CERKL: variants seen among roughly 807,000 people sequenced by gnomAD.
CERKL encodes CERK like autophagy regulator.
In CERKL, 61 loss-of-function variants were observed where a neutral mutation model predicts 63.4. The observed-to-expected ratio is 0.96, with a 90% CI of 0.78 to 1.19. The LOEUF (loss-of-function observed/expected upper bound fraction) is 1.19, where lower values mean the gene tolerates loss of function less well. CERKL is among the 50% of genes most tolerant of loss of function. The pLI, the probability that CERKL is intolerant of heterozygous loss-of-function variation, is 0.00. For synonymous variants in CERKL, 250 were observed against 230.5 expected (o/e 1.08, Z -0.77); for missense variants, 675 against 655.5 (o/e 1.03, Z -0.33).
At chr2:181,580,893 T>C (rs555009336) in intron 2 of CERKL, among the ~76,000 whole-genome samples, 1 of 152,266 alleles carries the variant, frequency 6.6e-6, no homozygotes, top group South Asian at 2.1e-4. Context: ...TCTGGTACTT[T>C]TTTAGAAGTA....
At chr2:181,591,452 T>C (rs1399519226) in intron 2 of CERKL, among the ~76,000 whole-genome samples, 1 of 152,158 alleles carries the variant, frequency 6.6e-6, no homozygotes, top group African/African-American at 2.4e-5. Context: ...ATTACTATTA[T>C]GAAAGGTGGA....
In CERKL at chr2:181,605,425, T is replaced by C. The variant is rs914729878; in HGVS notation, c.239-1346A>G. 2.6e-5 allele frequency among the ~76,000 whole-genome samples: 4 copies of C among 152,314 alleles called. No individual in the cohort carries two copies. The South Asian group carries it at 6.2e-4, about 24-fold the overall frequency. ...TAAGAACTACTAGAAGAATTAACAG[T>C]ACAATGCTTAGAGATGACACAGGTG... On this transcript the variant is annotated intron_variant, in intron 1 of 12. Coordinates refer to ENST00000410087, the MANE Select transcript of CERKL (RefSeq NM_201548.5).
Position 181,548,718 on chromosome 2 carries a change from C to G in CERKL, c.1035G>C (p.Arg345=), listed in dbSNP as rs1276593470. ...GTGCCTTAACAACAGCAAAATCTCTCCGTTGGTTAGGGGACATCCATCGAT... is the reference window on the plus strand; with the variant it reads ...GTGCCTTAACAACAGCAAAATCTCTGCGTTGGTTAGGGGACATCCATCGAT... ...EKYRWMSPNQ[R]RDFAVVKALA... Residue 345 remains arginine (R), a synonymous_variant, in exon 7 of 13, where the codon CGG becomes CGC. Coordinates refer to ENST00000410087, the MANE Select transcript of CERKL (RefSeq NM_201548.5). 6.2e-7 allele frequency: 1 copy of G among 1,614,034 alleles called. No homozygotes were observed. The highest frequency in any genetic ancestry group is 8.5e-7 in the Non-Finnish European group (1 of 1,179,944).
At chr2:181,624,431 A>C (rs1449048652) in intron 1 of CERKL, among the ~76,000 whole-genome samples, 1 of 152,138 alleles carries the variant, frequency 6.6e-6, no homozygotes, top group Non-Finnish European at 1.5e-5. Context: ...GCTACTGGAG[A>C]AGCTAAGGCA....
Position 181,548,559 on chromosome 2 carries a change from A to G in CERKL, c.1119T>C (p.Asp373=). The G allele has an allele frequency of 1.2e-6, 2 of 1,612,062 alleles. No individual in the cohort carries two copies. The highest frequency in any genetic ancestry group is 1.7e-6 in the Non-Finnish European group (2 of 1,178,516). ...EISFLPFNSS[D]DVQERRAQGS... is the part of the protein sequence containing the mutation. Reference sequence around the variant, plus strand: ...TTTTTACCTACCTTTCTTGCACATCATCAGAGCTGTTAAATGGTAAAAATG... The same window carrying G: ...TTTTTACCTACCTTTCTTGCACATCGTCAGAGCTGTTAAATGGTAAAAATG... Residue 373 remains aspartate (D), a synonymous_variant, in exon 8 of 13, where the codon GAT becomes GAC. Transcript: ENST00000410087.
chr2:181,540,200 G>A (rs932239511), intron 11 of CERKL, among the ~76,000 whole-genome samples: 1 of 152,188 alleles, frequency 6.6e-6, no homozygotes, highest in Non-Finnish European at 1.5e-5. Context: ...ATCAGCTGTT[G>A]TGACTGAGGT....
intron 5 of CERKL, among the ~76,000 whole-genome samples, chr2:181,551,285 A>C (rs1687976600): frequency 6.6e-6 from 1 of 152,150 alleles, no homozygotes; most frequent in Non-Finnish European, 1.5e-5. Flanking sequence ...CACAAAAATC[A>C]GTAGCATTTC....
At chr2:181,612,525 T>C (rs1686009846) in intron 1 of CERKL, among the ~76,000 whole-genome samples, 1 of 152,094 alleles carries the variant, frequency 6.6e-6, no homozygotes, top group Non-Finnish European at 1.5e-5. Context: ...TTGTATCTGG[T>C]TTATTTTACT....
intron 2 of CERKL, among the ~76,000 whole-genome samples, chr2:181,600,818 G>A (rs1212782762): frequency 2.0e-5 from 3 of 152,028 alleles, no homozygotes; most frequent in African/African-American, 7.3e-5. Flanking sequence ...AACTAACAAA[G>A]GTATACACTG....
At chr2:181,557,269 C>T (rs1688252804) in intron 5 of CERKL, among the ~76,000 whole-genome samples, 1 of 152,118 alleles carries the variant, frequency 6.6e-6, no homozygotes, top group Non-Finnish European at 1.5e-5. Context: ...TCAATTTTGG[C>T]TTTTGTTGCC....
At chr2:181,544,570 AAAG>A (rs1687642872) in intron 11 of CERKL, 127 bp downstream of exon 11, 3 of 606,796 alleles carry the variant, frequency 4.9e-6, no homozygotes, top group South Asian at 2.2e-5. Context: ...AGATTGGGAA[AAAG>A]AAGATTAATA....
At chr2:181,589,296 A>C (rs1001243649) in intron 2 of CERKL, among the ~76,000 whole-genome samples, 3 of 152,214 alleles carry the variant, frequency 2.0e-5, no homozygotes, top group Admixed American at 6.5e-5. Flanking sequence ...AACCACTAAG[A>C]AAAGTAAACT....
intron 1 of CERKL, among the ~76,000 whole-genome samples, chr2:181,624,435 T>C (rs941318554): frequency 6.6e-6 from 1 of 151,358 alleles, no homozygotes; most frequent in African/African-American, 2.4e-5. Context: ...CTGGAGAAGC[T>C]AAGGCAGGAG....
intron 1 of CERKL, among the ~76,000 whole-genome samples, chr2:181,626,878 C>T (rs1686728280): frequency 6.6e-6 from 1 of 152,212 alleles, no homozygotes; most frequent in South Asian, 2.1e-4. Context: ...GCACTAGGTC[C>T]ACATGGACTC....
At chr2:181,641,231 C>A (rs1426937917) in intron 1 of CERKL, among the ~76,000 whole-genome samples, 1 of 150,680 alleles carries the variant, frequency 6.6e-6, no homozygotes, top group East Asian at 1.9e-4. Context: ...CTAATCTACA[C>A]ATAATAAAAA....
chr2:181,613,596 G>A (rs1421406759), intron 1 of CERKL, among the ~76,000 whole-genome samples: 1 of 152,080 alleles, frequency 6.6e-6, no homozygotes, highest in Non-Finnish European at 1.5e-5. Context: ...AAAACTGTAG[G>A]CTTAGAAGAA....
In CERKL at chr2:181,609,533, TAAAA is replaced by T. The variant is rs869037405; in HGVS notation, c.239-5458_239-5455del. On this transcript the variant is annotated intron_variant, in intron 1 of 12. Coordinates refer to ENST00000410087, the MANE Select transcript of CERKL (RefSeq NM_201548.5). The stretch of plus-strand genomic sequence containing the variant: ...CACCATGGTGAAACCCTGTCTCTAC[TAAAA>T]AAAAAAAAAAAAAAAAAAATTTGCC... Among the ~76,000 whole-genome samples, 536 of 70,230 alleles carry T rather than the reference TAAAA, an allele frequency of 7.6e-3. 11 individuals are homozygous for T. Among genetic ancestry groups the T allele is most frequent in the African/African-American group, 0.024 (503 of 21,104 alleles). 46.1% of individuals were successfully genotyped at this position (70,230 alleles called of 152,430 possible).
At chr2:181,544,267 C>G (rs1687631806) in intron 11 of CERKL, among the ~76,000 whole-genome samples, 1 of 152,104 alleles carries the variant, frequency 6.6e-6, no homozygotes, top group African/African-American at 2.4e-5. Flanking sequence ...ATCTACAGAT[C>G]TATTTCAATC....
chr2:181,631,428 T>C (rs1686951968), intron 1 of CERKL, among the ~76,000 whole-genome samples: 3 of 151,948 alleles, frequency 2.0e-5, no homozygotes, highest in African/African-American at 7.3e-5. Flanking sequence ...CTGGAAAAGG[T>C]TCATCAAAGC....
Sources: allele counts gnomAD v4.1 joint callset (sites outside exome capture counted in the v4.1 genomes callset), GRCh38; gene constraint gnomAD v4.1.1; transcripts MANE v1.5; gene names NCBI Gene and HGNC (gene_info 2026-07-23, HGNC 2026-07-21).